Variants in IL1RAPL1 observed in about 807,000 individuals in gnomAD.
IL1RAPL1 encodes interleukin-1 receptor accessory protein-like 1.
In IL1RAPL1, 3 loss-of-function variants were observed where a neutral mutation model predicts 48.4. That is an observed-to-expected ratio of 0.06 (90% CI 0.03 to 0.16). IL1RAPL1 has a LOEUF of 0.16. Among genes scored for constraint, IL1RAPL1 ranks in the 10% least tolerant of loss-of-function variants. The probability of loss-of-function intolerance (pLI) is 1.00; values close to 1 mark genes in which losing one functional copy is unlikely to be tolerated. For missense variants in IL1RAPL1, 349 were observed against 530.6 expected (o/e 0.66, Z 3.36); for synonymous variants, 185 against 187.7 (o/e 0.99, Z 0.12).
At chrX:29,592,804 A>G (rs1399472085) in intron 5 of IL1RAPL1, among the ~76,000 whole-genome samples, 1 of 111,726 alleles carries the variant, frequency 9.0e-6, no homozygotes, top group Non-Finnish European at 1.9e-5. Context: ...TCCTGGCCTC[A>G]CAGGCCTTGA....
At chrX:28,813,976 C>T (rs772481911) in intron 2 of IL1RAPL1, among the ~76,000 whole-genome samples, 24 of 110,662 alleles carry the variant, frequency 2.2e-4, no homozygotes, top group African/African-American at 6.9e-4. Context: ...TCAGGACCCA[C>T]GTATTCTGTC....
chrX:29,364,650 C>T (rs1933425192), intron 3 of IL1RAPL1, among the ~76,000 whole-genome samples: 1 of 108,708 alleles, frequency 9.2e-6, no homozygotes, highest in Non-Finnish European at 1.9e-5. Flanking sequence ...TGTCATTATT[C>T]CCTAAACAAA....
At chrX:29,306,530 GAAA>G (rs1166748708) in intron 3 of IL1RAPL1, among the ~76,000 whole-genome samples, 3 of 33,445 alleles carry the variant, frequency 9.0e-5, no homozygotes, top group Non-Finnish European at 1.4e-4. Flanking sequence ...TCTGTCAAAA[GAAA>G]AAAAAAAAAA....
In IL1RAPL1 at chrX:29,330,656, G is replaced by C. The variant is rs1000842346; in HGVS notation, c.362+47439G>C. Among the ~76,000 whole-genome samples the C allele has an allele frequency of 2.7e-5, 3 of 111,072 alleles. No individual in the cohort carries two copies. The Admixed American group carries it at 2.9e-4, about 11-fold the overall frequency. ...ACCCAGACAGGCTCAATCTCTATCT[G>C]TGTGGAGACTTGTTACTCTTTCCTT... On this transcript the variant is annotated intron_variant, in intron 3 of 10. Coordinates refer to ENST00000378993, the MANE Select transcript of IL1RAPL1 (RefSeq NM_014271.4).
At chrX:29,224,731 T>G (rs1931046957) in intron 2 of IL1RAPL1, among the ~76,000 whole-genome samples, 1 of 112,136 alleles carries the variant, frequency 8.9e-6, no homozygotes, top group African/African-American at 3.2e-5. Flanking sequence ...ATAGAACAAA[T>G]GTGAGCTGTT....
At chrX:28,992,998 G>A (rs1050956960) in intron 2 of IL1RAPL1, among the ~76,000 whole-genome samples, 5 of 111,900 alleles carry the variant, frequency 4.5e-5, no homozygotes, top group Admixed American at 9.5e-5. Flanking sequence ...CTTTTAAAAT[G>A]TGATTACCAG....
intron 2 of IL1RAPL1, among the ~76,000 whole-genome samples, chrX:29,017,901 G>T (rs1926277684): frequency 9.0e-6 from 1 of 111,579 alleles, no homozygotes; most frequent in South Asian, 3.7e-4. Flanking sequence ...ATATATTGCT[G>T]TTGATTGTTC....
intron 6 of IL1RAPL1, among the ~76,000 whole-genome samples, chrX:29,678,339 C>G (rs1399453794): frequency 2.3e-5 from 2 of 87,026 alleles, no homozygotes; most frequent in African/African-American, 8.8e-5. Flanking sequence ...AAGTTCAACA[C>G]TACTTTTTTT....
At chrX:29,866,411 A>G (rs1049474553) in intron 6 of IL1RAPL1, among the ~76,000 whole-genome samples, 16 of 110,853 alleles carry the variant, frequency 1.4e-4, no homozygotes, top group Non-Finnish European at 7.5e-5. Flanking sequence ...ATGATGAGAA[A>G]TAAATCAGAG....
intron 1 of IL1RAPL1, among the ~76,000 whole-genome samples, chrX:28,688,938 TGAGA>T (rs1025806363): frequency 9.9e-5 from 11 of 111,008 alleles, no homozygotes; most frequent in Non-Finnish European, 2.1e-4. Context: ...CTGCCCATAA[TGAGA>T]GAGTTATTGA....
intron 1 of IL1RAPL1, among the ~76,000 whole-genome samples, chrX:28,723,241 T>C (rs1185978612): frequency 1.8e-5 from 2 of 111,088 alleles, no homozygotes; most frequent in Admixed American, 1.9e-4. Context: ...TTTTGATTGG[T>C]AGGCTATTAA....
chrX:28,841,490 A>G (rs1196678631), intron 2 of IL1RAPL1, among the ~76,000 whole-genome samples: 1 of 111,231 alleles, frequency 9.0e-6, no homozygotes, highest in Non-Finnish European at 1.9e-5. Context: ...GAACATTACT[A>G]AGAATACATT....
At chrX:29,003,415 G>A (rs1925903678) in intron 2 of IL1RAPL1, among the ~76,000 whole-genome samples, 1 of 112,073 alleles carries the variant, frequency 8.9e-6, no homozygotes, top group Non-Finnish European at 1.9e-5. Context: ...ATTAGGACAC[G>A]TTTGAGGAAT....
chrX:29,334,859 C>T (rs1403374584), intron 3 of IL1RAPL1, among the ~76,000 whole-genome samples: 1 of 112,922 alleles, frequency 8.9e-6, no homozygotes, highest in Admixed American at 9.2e-5. Flanking sequence ...ACGCTCCTCA[C>T]TTCCCAGACG....
chrX:29,831,209 A>G (rs925357694), intron 6 of IL1RAPL1, among the ~76,000 whole-genome samples: 2 of 111,630 alleles, frequency 1.8e-5, no homozygotes, highest in African/African-American at 6.5e-5. Context: ...ACCAGACACA[A>G]TGAAAGGGCT....
chrX:28,727,223 G>A, intron 1 of IL1RAPL1, among the ~76,000 whole-genome samples: 1 of 109,924 alleles, frequency 9.1e-6, no homozygotes, highest in Non-Finnish European at 1.9e-5. Context: ...GCAGTGGTTT[G>A]TAGTTCTCCT....
intron 2 of IL1RAPL1, among the ~76,000 whole-genome samples, chrX:29,143,437 G>A (rs895127023): frequency 1.8e-4 from 20 of 111,943 alleles, no homozygotes; most frequent in African/African-American, 5.9e-4. Flanking sequence ...TCAGTTACCT[G>A]TGGTCAGCCA....
chrX:28,912,343 T>C (rs1414931806), intron 2 of IL1RAPL1, among the ~76,000 whole-genome samples: 1 of 110,790 alleles, frequency 9.0e-6, no homozygotes, highest in Admixed American at 9.7e-5. Context: ...TGAACCGTTA[T>C]GGAAGGTAAG....
chrX:29,734,218 G>A (rs1927990612), intron 6 of IL1RAPL1, among the ~76,000 whole-genome samples: 1 of 112,908 alleles, frequency 8.9e-6, no homozygotes, highest in Admixed American at 9.4e-5. Context: ...TAGGAAAATA[G>A]ATTATCATAC....
Sources: gnomAD v4.1 joint callset for allele counts (sites outside exome capture counted in the v4.1 genomes callset) on GRCh38, gnomAD v4.1.1 for gene constraint, MANE v1.5 for transcripts, NCBI Gene and HGNC (gene_info 2026-07-23, HGNC 2026-07-21) for gene names.